The following SLC6A13 variants were observed in gnomAD, a reference collection of about 807,000 sequenced individuals.
SLC6A13 encodes the protein solute carrier family 6 member 13.
SLC6A13 carries 69 observed loss-of-function variants against 72.9 expected under a neutral mutation model. That is an observed-to-expected ratio of 0.95 (90% CI 0.78 to 1.16). The LOEUF is 1.16. SLC6A13 is among the 50% of genes most tolerant of loss of function. The probability of loss-of-function intolerance (pLI) is 0.00; values close to 1 mark genes in which losing one functional copy is unlikely to be tolerated. For synonymous variants in SLC6A13, 303 were observed against 303.0 expected (o/e 1.00, Z 0.00); for missense variants, 735 against 760.5 (o/e 0.97, Z 0.39).
chr12:259,618 A>G, intron 2 of SLC6A13: 1 of 1,424,004 alleles, frequency 7.0e-7, no homozygotes, highest in Non-Finnish European at 9.1e-7. Flanking sequence ...ACCTGGTTCC[A>G]GCTTGTGCTC....
At chr12:261,743 T>G (rs985319761) in intron 1 of SLC6A13, among the ~76,000 whole-genome samples, 5 of 152,168 alleles carry the variant, frequency 3.3e-5, no homozygotes, top group African/African-American at 9.6e-5. Context: ...CTGGCCAACA[T>G]GGTGACACCC....
intron 2 of SLC6A13, among the ~76,000 whole-genome samples, chr12:248,383 G>T (rs1486313886): frequency 1.4e-5 from 2 of 139,260 alleles, no homozygotes; most frequent in Non-Finnish European, 3.0e-5. Flanking sequence ...CAGCCTAGGC[G>T]ACAGCAAGAC....
At position 248,152 on chromosome 12, in the gene SLC6A13, C is replaced by T. The variant is rs147343245; in HGVS notation, c.203-4339G>A. 1.6e-4 allele frequency among the ~76,000 whole-genome samples: 24 copies of T among 152,126 alleles called. No individual in the cohort carries two copies. The East Asian group carries it at 4.6e-3, about 29-fold the overall frequency. ...TCGTATTAAATGCAAATGGTCTAAA[C>T]GTCCCAAATAAAAGGCAGAGATTGT... On this transcript the variant is annotated intron_variant, in intron 2 of 14. Transcript: ENST00000343164.
intron 2 of SLC6A13, among the ~76,000 whole-genome samples, chr12:248,247 A>T (rs539331791): frequency 6.6e-5 from 10 of 152,186 alleles, no homozygotes; most frequent in African/African-American, 2.2e-4. Context: ...TTGAATAAAA[A>T]AGACATGAAG....
rs1312955947 is a variant in SLC6A13 at position 224,365 on chromosome 12, T to C, written c.1173+36A>G. The C allele has an allele frequency of 2.6e-6, 4 of 1,554,834 alleles. No individual in the cohort carries two copies. In the South Asian group the frequency reaches 3.3e-5, roughly 13 times the overall value. ...TCCTCCCCAGCACACACCCCCCCAC[T>C]CATCTCTCAGCCTCTGAGTGGCTGC... On this transcript the variant is annotated intron_variant, in intron 10 of 14. Transcript: ENST00000343164.
chr12:226,280 G>A (rs1941448820), intron 9 of SLC6A13, 110 bp downstream of exon 9: 4 of 1,340,368 alleles, frequency 3.0e-6, no homozygotes, highest in Non-Finnish European at 4.2e-6. Flanking sequence ...ACTGAATGGT[G>A]GCCGTAGCTC....
At chr12:223,835 C>G in intron 11 of SLC6A13, 157 bp downstream of exon 11, 1 of 797,964 alleles carries the variant, frequency 1.3e-6, no homozygotes, top group Non-Finnish European at 2.0e-6. Flanking sequence ...GACCTGCCTA[C>G]TTTGTCGTTC....
rs538042561 is a variant in SLC6A13, at chr12:254,217, C to T, written c.202+5634G>A. ...GCCTCGCCAGCTCAGGGCCCCACCC[C>T]CGAGGAGTCTGGCCACTGGCACACT... On this transcript the variant is annotated intron_variant, in intron 2 of 14. Coordinates refer to ENST00000343164, the MANE Select transcript of SLC6A13 (RefSeq NM_016615.5). This position sits in a 1 kb window ranked among gnomAD's most constrained non-coding sequence, Gnocchi z 4.4. 2.7e-3 allele frequency among the ~76,000 whole-genome samples: 413 copies of T among 152,352 alleles called. 1 individual carries two copies. The highest frequency in any genetic ancestry group is 4.5e-3 in the Non-Finnish European group (303 of 68,036).
chr12:252,837 A>T (rs1942600882), intron 2 of SLC6A13, among the ~76,000 whole-genome samples: 1 of 152,190 alleles, frequency 6.6e-6, no homozygotes, highest in Non-Finnish European at 1.5e-5. Context: ...CCCCGTGGTC[A>T]GCTGCTCCCA....
At chr12:230,208 C>T (rs951508113) in intron 7 of SLC6A13, among the ~76,000 whole-genome samples, 11 of 151,946 alleles carry the variant, frequency 7.2e-5, no homozygotes, top group Non-Finnish European at 1.3e-4. Context: ...GGCAGAAGGC[C>T]GACCAAGGGA....
intron 7 of SLC6A13, among the ~76,000 whole-genome samples, chr12:230,417 T>C (rs192230619): frequency 6.6e-6 from 1 of 152,326 alleles, no homozygotes; most frequent in Non-Finnish European, 1.5e-5. Context: ...GTTACATTAA[T>C]CTGGGCTCAA....
rs1414255944 is a variant in SLC6A13 at position 243,723 on chromosome 12, T to C, written c.293A>G (p.Gln98Arg). 1.2e-6 allele frequency: 2 copies of C among 1,614,102 alleles called. No individual in the cohort carries two copies. Among genetic ancestry groups the C allele is most frequent in the African/African-American group, 2.7e-5 (2 of 74,946 alleles). The part of the protein sequence containing the change: ...LETALGQYTS[Q>R]GGVTAWRKIC... The stretch of plus-strand genomic sequence containing the variant: ...CTTCCTCCAGGCTGTGACGCCTCCC[T>C]GGCTAGTGTACTGGCCTAGTGCTGT... The change falls in exon 3 of 15, where the codon CAG (glutamine) becomes CGG (arginine). Residue 98 changes from glutamine to arginine, a missense_variant. Transcript: ENST00000343164.
At position 235,147 on chromosome 12, in the gene SLC6A13, T is replaced by C. The variant is rs1941877515; in HGVS notation, c.774A>G (p.Ala258=). The change falls in exon 7 of 15, where the codon GCA becomes GCG. Residue 258 remains alanine, a synonymous_variant. Transcript: ENST00000343164. ...ACAGGTAAAACTGAATTCCTTGGGC[T>C]GCCCCAGGCAACGTCACCCCTCGAA... ...LLIRGVTLPG[A]AQGIQFYLYP... is the part of the protein sequence containing the mutation. 1 of 1,614,202 alleles carries C rather than the reference T, an allele frequency of 6.2e-7. No homozygotes were observed. Among genetic ancestry groups the C allele is most frequent in the East Asian group, 2.2e-5 (1 of 44,884 alleles).
In SLC6A13 at chr12:225,658, TAAA is replaced by T. The variant is rs11309524; in HGVS notation, c.1060+729_1060+731del. ...GAGCAAGACTCTATCTCAAACAGTT[TAAA>T]AAAAAAAAAAAAAAGAGGGAGAGAG... On this transcript the variant is annotated intron_variant, in intron 9 of 14. Coordinates refer to ENST00000343164, the MANE Select transcript of SLC6A13 (RefSeq NM_016615.5). 9.7e-4 allele frequency among the ~76,000 whole-genome samples: 136 copies of T among 140,176 alleles called. 1 individual carries two copies. Among genetic ancestry groups the T allele is most frequent in the Non-Finnish European group, 2.7e-4 (17 of 64,064 alleles). 92.0% of individuals were successfully genotyped at this position (140,176 alleles called of 152,430 possible). A position where few individuals can be genotyped will look rare whatever the true frequency, so the allele number is the denominator to read the frequency against.
intron 2 of SLC6A13, among the ~76,000 whole-genome samples, chr12:253,022 G>A (rs756905782): frequency 2.0e-5 from 3 of 152,220 alleles, no homozygotes; most frequent in Admixed American, 6.5e-5. Flanking sequence ...CTTCCCCTCC[G>A]CAGGTACCAC....
At chr12:244,496 C>A (rs1942281268) in intron 2 of SLC6A13, among the ~76,000 whole-genome samples, 1 of 151,922 alleles carries the variant, frequency 6.6e-6, no homozygotes, top group Non-Finnish European at 1.5e-5. Context: ...CAAGACCAGC[C>A]TGGGCAACAT....
At chr12:259,797 G>T in intron 2 of SLC6A13, 54 bp downstream of exon 2, 1 of 1,614,228 alleles carries the variant, frequency 6.2e-7, no homozygotes. Context: ...TGCAGGAGAT[G>T]GAAGTATCCT....
At chr12:259,501 A>G in intron 2 of SLC6A13, 1 of 1,326,066 alleles carries the variant, frequency 7.5e-7, no homozygotes, top group South Asian at 2.2e-5. Flanking sequence ...GGCAGGCATT[A>G]TTATCTCAAT....
intron 2 of SLC6A13, among the ~76,000 whole-genome samples, chr12:244,444 T>G (rs1385666047): frequency 1.3e-5 from 2 of 152,170 alleles, no homozygotes; most frequent in Admixed American, 6.5e-5. Flanking sequence ...ATCCCAGCAC[T>G]TTGGGAGGCT....
Sources: gnomAD v4.1 joint callset for allele counts (sites outside exome capture counted in the v4.1 genomes callset) on GRCh38, gnomAD v4.1.1 for gene constraint, Gnocchi (gnomAD v3.1) non-coding constraint, MANE v1.5 for transcripts, NCBI Gene and HGNC (gene_info 2026-07-23, HGNC 2026-07-21) for gene names.